The following UVSSA variants were observed in gnomAD, a reference collection of about 807,000 sequenced individuals.
UVSSA encodes UV stimulated scaffold protein A, also known as UV-stimulated scaffold protein A.
A neutral mutation model predicts 73.9 loss-of-function variants in UVSSA; 72 were observed. That is an observed-to-expected ratio of 0.97 (90% CI 0.81 to 1.19). UVSSA has a LOEUF of 1.19. Ranked by LOEUF, UVSSA falls within the 50% of genes most tolerant of loss-of-function variation. The probability of loss-of-function intolerance (pLI) is 0.00; values close to 1 mark genes in which losing one functional copy is unlikely to be tolerated. For missense variants in UVSSA, 1,150 were observed against 965.0 expected (o/e 1.19, Z -2.54); for synonymous variants, 454 against 391.3 (o/e 1.16, Z -1.89).
At chr4:1,356,325 G>T (rs1459174324) in intron 7 of UVSSA, among the ~76,000 whole-genome samples, 1 of 152,152 alleles carries the variant, frequency 6.6e-6, no homozygotes, top group Non-Finnish European at 1.5e-5. Flanking sequence ...TGAGCCTGTC[G>T]TTTTCCCCAG....
chr4:1,349,873 T>C lies in UVSSA; in HGVS notation c.429+19T>C, dbSNP rs1479494738. 3.3e-6 allele frequency: 5 copies of C among 1,510,302 alleles called. No individual in the cohort carries two copies. Among genetic ancestry groups the C allele is most frequent in the African/African-American group, 1.4e-5 (1 of 71,392 alleles). 93.6% of individuals were successfully genotyped at this position (1,510,302 alleles called of 1,614,324 possible). ...CAAAAAGGTAGGTGGGCCTGGCCCATTTTTTCAGAGACTGGTTACCTGACG... is the reference window on the plus strand; with the variant it reads ...CAAAAAGGTAGGTGGGCCTGGCCCACTTTTTCAGAGACTGGTTACCTGACG... On this transcript the variant is annotated intron_variant, in intron 3 of 13. Transcript: ENST00000389851.
At chr4:1,369,412 G>C (rs1046678261) in intron 8 of UVSSA, among the ~76,000 whole-genome samples, 1 of 152,242 alleles carries the variant, frequency 6.6e-6, no homozygotes, top group Non-Finnish European at 1.5e-5. Context: ...CAGGCGGAGG[G>C]GCCAGCTCAG....
chr4:1,375,300 C>G, intron 8 of UVSSA, 64 bp from the exon 9 acceptor site: 1 of 1,598,108 alleles, frequency 6.3e-7, no homozygotes, highest in Non-Finnish European at 8.5e-7. Flanking sequence ...ACTGCCCGGT[C>G]TTGCCTGATG....
chr4:1,354,935 C>G (rs1023639820), intron 6 of UVSSA, 88 bp downstream of exon 6: 7 of 1,535,510 alleles, frequency 4.6e-6, no homozygotes, highest in Non-Finnish European at 6.2e-6. Context: ...GGGACTGTGG[C>G]CCGGTGACTG....
chr4:1,382,814 G>A (rs1286775966), intron 12 of UVSSA, among the ~76,000 whole-genome samples: 1 of 152,106 alleles, frequency 6.6e-6, no homozygotes, highest in Non-Finnish European at 1.5e-5. Flanking sequence ...TGGCCTGGTC[G>A]CCCCCGTGGC....
chr4:1,389,060 G>A (rs1720338913), downstream of UVSSA: 1 of 152,148 alleles, frequency 6.6e-6, no homozygotes, highest in Non-Finnish European at 1.5e-5. Flanking sequence ...GCTTTTCTTT[G>A]TGGGATTTTT....
At chr4:1,374,193 G>A (rs887782400) in intron 8 of UVSSA, among the ~76,000 whole-genome samples, 1 of 152,230 alleles carries the variant, frequency 6.6e-6, no homozygotes, top group Non-Finnish European at 1.5e-5. Flanking sequence ...CCCCTGGCCG[G>A]CAGCCCACAG....
At chr4:1,389,702 G>A (rs191206457), downstream of UVSSA, 41 of 151,892 alleles carry the variant, frequency 2.7e-4, no homozygotes, top group Admixed American at 2.0e-3. Context: ...AAATTTTTTT[G>A]TGGAGACAGG....
At chr4:1,366,528 G>A in intron 8 of UVSSA, 97 bp downstream of exon 8, 2 of 872,678 alleles carry the variant, frequency 2.3e-6, no homozygotes, top group South Asian at 3.5e-5. Flanking sequence ...AGGGCCTGGA[G>A]CCCATCTTGT....
chr4:1,384,029 A>G, intron 13 of UVSSA, 89 bp downstream of exon 13: 1 of 1,444,700 alleles, frequency 6.9e-7, no homozygotes, highest in Non-Finnish European at 9.1e-7. Flanking sequence ...AAGATATTCC[A>G]GGGACTTGGG....
intron 9 of UVSSA, 38 bp from the exon 10 acceptor site, chr4:1,375,996 C>A: frequency 6.4e-7 from 1 of 1,568,210 alleles, no homozygotes. Context: ...TGGGTGGCAC[C>A]AGCAGCACCG....
upstream of UVSSA, among the ~76,000 whole-genome samples, chr4:1,346,614 G>A (rs1384716421): frequency 6.6e-6 from 1 of 152,126 alleles, no homozygotes. Context: ...TTCCCTTCCC[G>A]AGGCCGGAGC....
chr4:1,381,042 A>G (rs918620385), intron 12 of UVSSA, 54 bp downstream of exon 12: 8 of 1,541,430 alleles, frequency 5.2e-6, no homozygotes, highest in Non-Finnish European at 7.1e-6. Flanking sequence ...ACTCACTGCC[A>G]CTAGTGGCCC....
At position 1,352,943 on chromosome 4, in the gene UVSSA, G is replaced by A. The variant is rs1395238279; in HGVS notation, c.551-87G>A. 5 of 1,511,682 alleles carry A rather than the reference G, an allele frequency of 3.3e-6. No homozygotes were observed. In the Admixed American group the frequency reaches 1.0e-4, roughly 31 times the overall value. The allele number at this position is 1,511,682 out of a possible 1,614,324, so 93.6% of individuals were successfully genotyped here. A position where few individuals can be genotyped will look rare whatever the true frequency, so the allele number is the denominator to read the frequency against. ...TGGTGCTGAAAAGTGACACCCTGCG[G>A]GGAGTGGGCCTCTGAGTGTGGTTTT... On this transcript the variant is annotated intron_variant, in intron 4 of 13. Transcript: ENST00000389851.
chr4:1,354,717 C>A lies in UVSSA; in HGVS notation c.935-18C>A. 3 of 1,610,104 alleles carry A rather than the reference C, an allele frequency of 1.9e-6. No individual in the cohort carries two copies. Among genetic ancestry groups the A allele is most frequent in the South Asian group, 2.2e-5 (2 of 90,632 alleles). Reference sequence around the variant, plus strand: ...GCCAGTCGGCGCCCTCTTGTGACCTCTGTGTGCTTCTCCCCAGAGGGCCTG... The same window carrying A: ...GCCAGTCGGCGCCCTCTTGTGACCTATGTGTGCTTCTCCCCAGAGGGCCTG... On this transcript the variant is annotated intron_variant, in intron 5 of 13. Transcript: ENST00000389851.
At chr4:1,370,881 C>T (rs186788685) in intron 8 of UVSSA, among the ~76,000 whole-genome samples, 19 of 152,308 alleles carry the variant, frequency 1.2e-4, no homozygotes, top group Non-Finnish European at 2.4e-4. Context: ...GGGACGGGGT[C>T]GGTGGCTCAC....
chr4:1,379,406 C>G (rs921652817), intron 10 of UVSSA, among the ~76,000 whole-genome samples: 5 of 152,366 alleles, frequency 3.3e-5, no homozygotes, highest in Admixed American at 1.3e-4. Flanking sequence ...CCCAGCCCCC[C>G]CATCCCATGG....
chr4:1,342,596 A>G (rs1231903392), upstream of UVSSA, among the ~76,000 whole-genome samples: 3 of 152,190 alleles, frequency 2.0e-5, no homozygotes, highest in South Asian at 2.1e-4. Flanking sequence ...TTGCAATAAT[A>G]TATCTTCCAG....
intron 8 of UVSSA, among the ~76,000 whole-genome samples, chr4:1,372,738 CT>C (rs1718234018): frequency 9.6e-6 from 1 of 104,448 alleles, no homozygotes; most frequent in Admixed American, 1.0e-4. Flanking sequence ...CAGCACTCAC[CT>C]CCCGCGTCCC....
Sources: gnomAD v4.1 joint callset for allele counts (sites outside exome capture counted in the v4.1 genomes callset) on GRCh38, gnomAD v4.1.1 for gene constraint, MANE v1.5 for transcripts, NCBI Gene and HGNC (gene_info 2026-07-23, HGNC 2026-07-21) for gene names.